Variants in SH2D3C observed in about 807,000 individuals in gnomAD.
The protein encoded by SH2D3C is SH2 domain containing 3C.
A neutral mutation model predicts 75.2 loss-of-function variants in SH2D3C; 25 were observed. The observed-to-expected ratio is 0.33, with a 90% CI of 0.24 to 0.46. The LOEUF (loss-of-function observed/expected upper bound fraction) is 0.46. Ranked by LOEUF, SH2D3C falls within the 20% of genes least tolerant of loss-of-function variation. SH2D3C has a pLI of 1.00. For missense variants in SH2D3C, 933 were observed against 1,165.3 expected (o/e 0.80, Z 2.90); for synonymous variants, 450 against 473.7 (o/e 0.95, Z 0.65).
Position 127,741,844 on chromosome 9 carries a change from T to G in SH2D3C, c.2032A>C (p.Thr678Pro). The change falls in exon 9 of 12, where the codon ACT becomes CCT. Residue 678 changes from threonine (T) to proline (P), a missense_variant. Physicochemically the swap from Thr to Pro is conservative, Grantham distance 38. Coordinates refer to ENST00000314830, the MANE Select transcript of SH2D3C (RefSeq NM_170600.3). Reference sequence around the variant, plus strand: ...GCGAAGCTGAACATGTTGCCCATAGTCCCCCGCAGCTCGGCCGCCAGCTGA... The same window carrying G: ...GCGAAGCTGAACATGTTGCCCATAGGCCCCCGCAGCTCGGCCGCCAGCTGA... ...TIQLAAELRG[T>P]MGNMFSFAAV... 1.9e-6 allele frequency: 3 copies of G among 1,613,224 alleles called. No individual in the cohort carries two copies. The highest frequency in any genetic ancestry group is 2.5e-6 in the Non-Finnish European group (3 of 1,180,000).
chr9:127,766,886 C>G, intron 2 of SH2D3C: 1 of 1,507,578 alleles, frequency 6.6e-7, no homozygotes, highest in African/African-American at 1.4e-5. Context: ...TTCCTTCACG[C>G]CCATCTTCAC....
chr9:127,747,338 C>A, intron 5 of SH2D3C, 67 bp from the exon 6 acceptor site: 1 of 1,494,226 alleles, frequency 6.7e-7, no homozygotes, highest in Non-Finnish European at 9.1e-7. Flanking sequence ...CCTCTGGGAC[C>A]CCCCACCTCT....
intron 2 of SH2D3C, among the ~76,000 whole-genome samples, chr9:127,763,829 G>C (rs146318533): frequency 9.2e-5 from 14 of 152,268 alleles, no homozygotes; most frequent in Admixed American, 4.6e-4. Flanking sequence ...TAACATACTA[G>C]GGTTCTTCAT....
Position 127,774,028 on chromosome 9 carries a change from T to C in SH2D3C, c.477A>G (p.Val159=), listed in dbSNP as rs756230271. 2.5e-6 allele frequency: 4 copies of C among 1,614,008 alleles called. No homozygotes were observed. In the Admixed American group the frequency reaches 5.0e-5, roughly 20 times the overall value. ...CGTCCCTGGGAGGTCTCTCCTCTTCTACGTCTCCTGTGGGGACCTCAGGCT... is the reference window on the plus strand; with the variant it reads ...CGTCCCTGGGAGGTCTCTCCTCTTCCACGTCTCCTGTGGGGACCTCAGGCT... ...IRKPEVPTGD[V]EEERPPRDVH... is the part of the protein sequence containing the mutation. The change falls in exon 2 of 12, where the codon GTA becomes GTG. Residue 159 remains valine (V), a synonymous_variant. Coordinates refer to ENST00000314830, the MANE Select transcript of SH2D3C (RefSeq NM_170600.3). This position sits in a 1 kb window ranked among gnomAD's most constrained non-coding sequence, Gnocchi z 4.3.
intron 2 of SH2D3C, among the ~76,000 whole-genome samples, chr9:127,769,428 A>T (rs1472596833): frequency 1.3e-5 from 2 of 152,154 alleles, no homozygotes; most frequent in Non-Finnish European, 2.9e-5. Context: ...AGATCACCTG[A>T]GGTCAGGAGT....
intron 1 of SH2D3C, among the ~76,000 whole-genome samples, chr9:127,775,115 G>T (rs1009291141): frequency 1.3e-5 from 2 of 152,046 alleles, no homozygotes; most frequent in South Asian, 4.1e-4. Context: ...AGAAAGAAAA[G>T]ATTATAAATA....
At chr9:127,748,602 T>G (rs1271356716) in intron 5 of SH2D3C, among the ~76,000 whole-genome samples, 2 of 152,148 alleles carry the variant, frequency 1.3e-5, no homozygotes, top group Non-Finnish European at 2.9e-5. Context: ...AGGACCCACC[T>G]CCCAGGAGGA....
Position 127,749,727 on chromosome 9 carries a change from T to G in SH2D3C, c.685-62A>C. Reference sequence around the variant, plus strand: ...CCAGGAGAGGGTCAGACCCAGGATCTGGGGGACAGAGCAACCCAGGATTAG... The same window carrying G: ...CCAGGAGAGGGTCAGACCCAGGATCGGGGGGACAGAGCAACCCAGGATTAG... On this transcript the variant is annotated intron_variant, in intron 4 of 11. Transcript: ENST00000314830. This position sits in a 1 kb window ranked among gnomAD's most constrained non-coding sequence, Gnocchi z 5.9. 1 of 1,124,042 alleles carries G rather than the reference T, an allele frequency of 8.9e-7. No homozygotes were observed. Among genetic ancestry groups the G allele is most frequent in the Non-Finnish European group, 1.3e-6 (1 of 775,738 alleles). The allele number at this position is 1,124,042 out of a possible 1,614,324, so 69.6% of individuals were successfully genotyped here. A position where few individuals can be genotyped will look rare whatever the true frequency, so the allele number is the denominator to read the frequency against.
At chr9:127,746,603 G>A (rs1202721462) in intron 6 of SH2D3C, among the ~76,000 whole-genome samples, 2 of 152,176 alleles carry the variant, frequency 1.3e-5, no homozygotes, top group East Asian at 1.9e-4. Flanking sequence ...AGGAGTTCGA[G>A]ACCACCCTGG....
At position 127,754,001 on chromosome 9, in the gene SH2D3C, C is replaced by G. The variant is rs1329596687; in HGVS notation, c.556-2701G>C. On this transcript the variant is annotated intron_variant, in intron 3 of 11. Coordinates refer to ENST00000314830, the MANE Select transcript of SH2D3C (RefSeq NM_170600.3). The surrounding 1 kb of genome is among the most constrained non-coding windows in gnomAD (Gnocchi z 4.4). ...CCTTTTCCAGCTTAATCACTGGTCACGGAGAGTTTGGGGGGACCAACTTGG... is the reference window on the plus strand; with the variant it reads ...CCTTTTCCAGCTTAATCACTGGTCAGGGAGAGTTTGGGGGGACCAACTTGG... Among the ~76,000 whole-genome samples the G allele has an allele frequency of 2.0e-5, 3 of 152,176 alleles. No individual in the cohort carries two copies. The highest frequency in any genetic ancestry group is 4.4e-5 in the Non-Finnish European group (3 of 68,030).
At chr9:127,752,076 C>T (rs1395231540) in intron 3 of SH2D3C, among the ~76,000 whole-genome samples, 3 of 152,100 alleles carry the variant, frequency 2.0e-5, no homozygotes, top group African/African-American at 7.2e-5. Context: ...AGATAATGTC[C>T]AGTACTCCAC....
chr9:127,773,669 G>C, intron 2 of SH2D3C, among the ~76,000 whole-genome samples: 1 of 152,132 alleles, frequency 6.6e-6, no homozygotes. Context: ...GCCCCGGCCA[G>C]CACTTTGGGA....
chr9:127,774,510 C>A lies in SH2D3C; in HGVS notation c.38-43G>T. On this transcript the variant is annotated intron_variant, in intron 1 of 11. Coordinates refer to ENST00000314830, the MANE Select transcript of SH2D3C (RefSeq NM_170600.3). This position sits in a 1 kb window ranked among gnomAD's most constrained non-coding sequence, Gnocchi z 4.3. ...AAGGAAAAGAAGTTAATGACAATGT[C>A]AACATCAGTGATAATAATGAACAAT... 1.0e-6 allele frequency: 1 copy of A among 974,948 alleles called. No individual in the cohort carries two copies. The highest frequency in any genetic ancestry group is 1.4e-5 in the South Asian group (1 of 73,404). 60.4% of individuals were successfully genotyped at this position (974,948 alleles called of 1,614,324 possible). A position where few individuals can be genotyped will look rare whatever the true frequency, so the allele number is the denominator to read the frequency against.
At chr9:127,757,657 T>G (rs1343750044) in intron 3 of SH2D3C, among the ~76,000 whole-genome samples, 3 of 147,276 alleles carry the variant, frequency 2.0e-5, no homozygotes, top group African/African-American at 7.5e-5. Context: ...TTATTATTAT[T>G]ATTATTATTA....
chr9:127,757,678 G>A lies in SH2D3C; in HGVS notation c.555+3933C>T, dbSNP rs139314571. ...TTATTATTATTATTATTTTGAGATG[G>A]AGTCTCGCTCCATCACCCAGGCTGG... On this transcript the variant is annotated intron_variant, in intron 3 of 11. Transcript: ENST00000314830. Among the ~76,000 whole-genome samples, 918 of 141,972 alleles carry A rather than the reference G, an allele frequency of 6.5e-3. 8 individuals are homozygous for A. Among genetic ancestry groups the A allele is most frequent in the South Asian group, 0.022 (98 of 4,408 alleles). 93.1% of individuals were successfully genotyped at this position (141,972 alleles called of 152,430 possible).
chr9:127,744,543 C>A, intron 7 of SH2D3C, 21 bp downstream of exon 7: 1 of 1,587,618 alleles, frequency 6.3e-7, no homozygotes, highest in Non-Finnish European at 8.6e-7. Flanking sequence ...CCCTCCACCC[C>A]AGTGCACAGC....
Position 127,742,902 on chromosome 9 carries a change from C to T in SH2D3C, c.1863G>A (p.Met621Ile), listed in dbSNP as rs2131737542. 1 of 1,614,018 alleles carries T rather than the reference C, an allele frequency of 6.2e-7. No individual in the cohort carries two copies. The highest frequency in any genetic ancestry group is 8.5e-7 in the Non-Finnish European group (1 of 1,179,948). ...MQTLMGVRWGMELLTLPHGRQ... is the reference protein window; with the variant it reads ...MQTLMGVRWGIELLTLPHGRQ... The stretch of plus-strand genomic sequence containing the variant: ...GGCCATGGGGGAGGGTGAGCAGTTC[C>T]ATGCCCCAGCGGACTCCCATTAGGG... The change falls in exon 8 of 12, where the codon ATG becomes ATA. Residue 621 changes from methionine (M) to isoleucine (I), a missense_variant. By Grantham distance (10) the Met-to-Ile change is conservative. Transcript: ENST00000314830.
intron 6 of SH2D3C, 40 bp from the exon 7 acceptor site, chr9:127,745,139 C>T (rs1298663436): frequency 1.4e-6 from 2 of 1,450,084 alleles, no homozygotes; most frequent in Admixed American, 2.5e-5. Context: ...TATAGCAGCT[C>T]CCCACCAAAG....
chr9:127,747,123 C>T, intron 6 of SH2D3C, 24 bp downstream of exon 6: 2 of 1,608,852 alleles, frequency 1.2e-6, no homozygotes, highest in Admixed American at 3.4e-5. Flanking sequence ...CCTCCACCTG[C>T]TCCACCCCCT....
Sources: allele counts gnomAD v4.1 joint callset (sites outside exome capture counted in the v4.1 genomes callset), GRCh38; gene constraint gnomAD v4.1.1; non-coding constraint Gnocchi (gnomAD v3.1); transcripts MANE v1.5; gene names NCBI Gene and HGNC (gene_info 2026-07-23, HGNC 2026-07-21).